The following CAMSAP2 variants were observed in gnomAD, a reference collection of about 807,000 sequenced individuals.
CAMSAP2 encodes the protein calmodulin regulated spectrin associated protein family member 2.
CAMSAP2 carries 26 observed loss-of-function variants against 146.1 expected under a neutral mutation model. The observed-to-expected ratio is 0.18, with a 90% CI of 0.13 to 0.25. The LOEUF (loss-of-function observed/expected upper bound fraction) is 0.25. Among genes scored for constraint, CAMSAP2 ranks in the 10% least tolerant of loss-of-function variants. The pLI is 1.00. For missense variants in CAMSAP2, 1,381 were observed against 1,759.3 expected, an observed-to-expected ratio of 0.78 and a Z score of 3.85; for synonymous variants, 499 against 596.6, an observed-to-expected ratio of 0.84 and a Z score of 2.38.
At chr1:200,762,424 T>C (rs567028378) in intron 2 of CAMSAP2, among the ~76,000 whole-genome samples, 56 of 152,324 alleles carry the variant, frequency 3.7e-4, no homozygotes, top group African/African-American at 1.2e-3. Context: ...ACATATCATA[T>C]GTGAACAGTT....
At chr1:200,807,621 CTT>C (rs766818021) in intron 3 of CAMSAP2, 84 bp downstream of exon 3, 454 of 954,000 alleles carry the variant, frequency 4.8e-4, no homozygotes, top group Non-Finnish European at 6.0e-4. Flanking sequence ...CTTCATTACT[CTT>C]TTTGTTTCAA....
In CAMSAP2 at chr1:200,832,256, A is replaced by T. The variant is rs200764010; in HGVS notation, c.702A>T (p.Val234=). 6.8e-6 allele frequency: 11 copies of T among 1,613,606 alleles called. No individual in the cohort carries two copies. The highest frequency in any genetic ancestry group is 5.9e-6 in the Non-Finnish European group (7 of 1,179,790). ...LLKQLPCIPL[V]ENLLKDGTDG... ...AGCAACTGCCTTGCATTCCATTGGTAGAAAATTTGTTGAAGGATGGGACAG... is the reference window on the plus strand; with the variant it reads ...AGCAACTGCCTTGCATTCCATTGGTTGAAAATTTGTTGAAGGATGGGACAG... The change falls in exon 5 of 17, where the codon GTA becomes GTT. Residue 234 remains valine (V), a synonymous_variant. Transcript: ENST00000358823. The surrounding 1 kb of genome is among the most constrained non-coding windows in gnomAD (Gnocchi z 4.2).
Position 200,832,515 on chromosome 1 carries a change from A to G in CAMSAP2, c.787+174A>G, listed in dbSNP as rs932877830. ...TTTTAAAAATAAAGAACATTTATATATAATTCTGAGGGAGGTAGTTCAAAA... is the reference window on the plus strand; with the variant it reads ...TTTTAAAAATAAAGAACATTTATATGTAATTCTGAGGGAGGTAGTTCAAAA... On this transcript the variant is annotated intron_variant, in intron 5 of 16. Transcript: ENST00000358823. This position sits in a 1 kb window ranked among gnomAD's most constrained non-coding sequence, Gnocchi z 4.2. Among the ~76,000 whole-genome samples, 2 of 152,188 alleles carry G rather than the reference A, an allele frequency of 1.3e-5. No individual in the cohort carries two copies. The highest frequency in any genetic ancestry group is 2.9e-5 in the Non-Finnish European group (2 of 68,022).
chr1:200,778,748 C>T (rs1558173132), intron 2 of CAMSAP2, among the ~76,000 whole-genome samples: 1 of 151,058 alleles, frequency 6.6e-6, no homozygotes, highest in Non-Finnish European at 1.5e-5. Context: ...AATCCGGCTA[C>T]AGTAGATTTA....
At chr1:200,833,902 G>T (rs1483306962) in intron 6 of CAMSAP2, among the ~76,000 whole-genome samples, 4 of 152,024 alleles carry the variant, frequency 2.6e-5, no homozygotes, top group African/African-American at 9.7e-5. Flanking sequence ...ATATATAATT[G>T]TTCTGTAGTT....
chr1:200,831,653 AGTT>A (rs1667047000), intron 4 of CAMSAP2, among the ~76,000 whole-genome samples: 1 of 151,682 alleles, frequency 6.6e-6, no homozygotes, highest in Admixed American at 6.6e-5. Flanking sequence ...TCACTTTCAA[AGTT>A]GTTAACTATT....
Position 200,848,884 on chromosome 1 carries a change from T to G in CAMSAP2, c.2115T>G (p.Ser705Arg). ...TGAATCATACCGATGGAAAAAGTAG[T>G]GGAAGCAGTTCTCAAAAAACTACAC... is the stretch of plus-strand genomic sequence containing the variant. ...RKLNHTDGKS[S>R]GSSSQKTTPE... Residue 705 changes from serine to arginine, a missense_variant, in exon 11 of 17, where the codon AGT (serine) becomes AGG (arginine). By Grantham distance (110) the Ser-to-Arg change is moderately radical (BLOSUM62 -1). Transcript: ENST00000358823. 6.2e-7 allele frequency: 1 copy of G among 1,614,136 alleles called. No individual in the cohort carries two copies. The highest frequency in any genetic ancestry group is 8.5e-7 in the Non-Finnish European group (1 of 1,180,000).
At position 200,817,005 on chromosome 1, in the gene CAMSAP2, C is replaced by T. The variant is rs185600573; in HGVS notation, c.645+1361C>T. 2.8e-4 allele frequency among the ~76,000 whole-genome samples: 38 copies of T among 136,886 alleles called. No homozygotes were observed. The East Asian group carries it at 8.2e-3, about 29-fold the overall frequency. 89.8% of individuals were successfully genotyped at this position (136,886 alleles called of 152,430 possible). A position where few individuals can be genotyped will look rare whatever the true frequency, so the allele number is the denominator to read the frequency against. ...CTACACATATATACATATATGTGTA[C>T]CCACATACACACGTATATATGTGTA... On this transcript the variant is annotated intron_variant, in intron 4 of 16. Transcript: ENST00000358823.
intron 6 of CAMSAP2, among the ~76,000 whole-genome samples, chr1:200,834,111 C>T (rs1287571153): frequency 6.6e-6 from 1 of 152,130 alleles, no homozygotes. Context: ...CACCTGTAAT[C>T]TCAGCACTTT....
At chr1:200,781,220 A>G (rs1009415128) in intron 2 of CAMSAP2, among the ~76,000 whole-genome samples, 5 of 152,244 alleles carry the variant, frequency 3.3e-5, no homozygotes, top group Non-Finnish European at 7.3e-5. Context: ...CTGGAAAGCT[A>G]TAAAACACAA....
chr1:200,744,760 T>C (rs1664273795), intron 1 of CAMSAP2, among the ~76,000 whole-genome samples: 1 of 152,084 alleles, frequency 6.6e-6, no homozygotes, highest in Non-Finnish European at 1.5e-5. Flanking sequence ...GAATTGAAAG[T>C]AGGCATGGTA....
At chr1:200,748,915 G>A (rs1355501250) in intron 1 of CAMSAP2, among the ~76,000 whole-genome samples, 2 of 152,046 alleles carry the variant, frequency 1.3e-5, no homozygotes, top group African/African-American at 4.8e-5. Flanking sequence ...CCTGAGTGCT[G>A]TGTGGGAAAT....
At chr1:200,811,145 C>A (rs746682221) in intron 3 of CAMSAP2, among the ~76,000 whole-genome samples, 1 of 152,106 alleles carries the variant, frequency 6.6e-6, no homozygotes, top group African/African-American at 2.4e-5. Context: ...AAAGCATGAA[C>A]CATCTTTTTG....
rs191021391 is a variant in CAMSAP2 at position 200,839,776 on chromosome 1, C to G, written c.928-2218C>G. ...TACACTGCTTGGGTGATGGGTGCAC[C>G]AGAATCTCAGAAATTACTTAAAGAA... On this transcript the variant is annotated intron_variant, in intron 6 of 16. Transcript: ENST00000358823. 3.3e-5 allele frequency among the ~76,000 whole-genome samples: 5 copies of G among 152,196 alleles called. 1 individual carries two copies. Among genetic ancestry groups the G allele is most frequent in the Admixed American group, 3.3e-4 (5 of 15,286 alleles).
intron 3 of CAMSAP2, among the ~76,000 whole-genome samples, chr1:200,811,161 T>A (rs540847933): frequency 6.6e-6 from 1 of 152,290 alleles, no homozygotes; most frequent in East Asian, 1.9e-4. Context: ...TTTTGAAGTT[T>A]CAGTGGAAAA....
In CAMSAP2 at chr1:200,856,266, T is replaced by C. The variant is rs894764730; in HGVS notation, c.4012+141T>C. 6.5e-6 allele frequency: 4 copies of C among 612,776 alleles called. No homozygotes were observed. In the African/African-American group the frequency reaches 7.4e-5, roughly 11 times the overall value. 38.0% of individuals were successfully genotyped at this position (612,776 alleles called of 1,614,324 possible). A position where few individuals can be genotyped will look rare whatever the true frequency, so the allele number is the denominator to read the frequency against. ...AAACAGTGAATGCAGGTGGTCACTT[T>C]CAGGTAGTTCAGTAAGTTTCTAAAC... On this transcript the variant is annotated intron_variant, in intron 15 of 16. Coordinates refer to ENST00000358823, the MANE Select transcript of CAMSAP2 (RefSeq NM_203459.4).
At chr1:200,804,126 C>T (rs1358868196) in intron 2 of CAMSAP2, among the ~76,000 whole-genome samples, 3 of 152,058 alleles carry the variant, frequency 2.0e-5, no homozygotes, top group African/African-American at 7.2e-5. Context: ...CAGGGTTTCA[C>T]CGTGTTAGCC....
chr1:200,855,943 A>G lies in CAMSAP2; in HGVS notation c.3897-67A>G. On this transcript the variant is annotated intron_variant, in intron 14 of 16. Coordinates refer to ENST00000358823, the MANE Select transcript of CAMSAP2 (RefSeq NM_203459.4). ...TAGGTTGATTTTGATTGTTACTTTC[A>G]CGTATACCCTCTGGGCCCCATTTTT... 4.9e-6 allele frequency: 5 copies of G among 1,021,120 alleles called. No individual in the cohort carries two copies. The South Asian group carries it at 7.2e-5, about 15-fold the overall frequency. The allele number at this position is 1,021,120 out of a possible 1,614,324, so 63.3% of individuals were successfully genotyped here.
At chr1:200,763,985 C>G (rs935292364) in intron 2 of CAMSAP2, among the ~76,000 whole-genome samples, 1 of 152,058 alleles carries the variant, frequency 6.6e-6, no homozygotes, top group Non-Finnish European at 1.5e-5. Context: ...GCAGGAGAAT[C>G]GCTTGAACCT....
Sources: allele counts gnomAD v4.1 joint callset (sites outside exome capture counted in the v4.1 genomes callset), GRCh38; gene constraint gnomAD v4.1.1; non-coding constraint Gnocchi (gnomAD v3.1); transcripts MANE v1.5; gene names NCBI Gene and HGNC (gene_info 2026-07-23, HGNC 2026-07-21).